Variants in PARG observed in about 807,000 individuals in gnomAD.
PARG encodes the protein poly(ADP-ribose) glycohydrolase.
In PARG, 35 loss-of-function variants were observed where a neutral mutation model predicts 113.0. The observed-to-expected ratio is 0.31, with a 90% confidence interval of 0.24 to 0.41. PARG has a LOEUF of 0.41. Ranked by LOEUF, PARG falls within the 10% of genes least tolerant of loss-of-function variation. PARG has a pLI of 1.00. For missense variants in PARG, 797 were observed against 1,169.4 expected, an observed-to-expected ratio of 0.68 and a Z score of 4.64; for synonymous variants, 330 against 409.9, an observed-to-expected ratio of 0.81 and a Z score of 2.36.
At chr10:49,836,067 G>A (rs1331488823) in intron 15 of PARG, among the ~76,000 whole-genome samples, 1 of 152,076 alleles carries the variant, frequency 6.6e-6, no homozygotes, top group Non-Finnish European at 1.5e-5. Context: ...AAAGTGACAT[G>A]TGCACAGTGA....
At chr10:49,823,276 A>T (rs1844195483) in intron 16 of PARG, among the ~76,000 whole-genome samples, 1 of 152,168 alleles carries the variant, frequency 6.6e-6, no homozygotes, top group Non-Finnish European at 1.5e-5. Context: ...ATTTTTATAA[A>T]TTTGAAATTA....
chr10:49,927,724 C>T (rs1389992007), intron 4 of PARG, among the ~76,000 whole-genome samples: 1 of 151,886 alleles, frequency 6.6e-6, no homozygotes, highest in African/African-American at 2.4e-5. Context: ...AATCTCAACA[C>T]TTTGGGAGGT....
Position 49,857,220 on chromosome 10 carries a change from AG to A in PARG, c.2353+85del, listed in dbSNP as rs1377423969. 6.6e-6 allele frequency: 4 copies of A among 603,782 alleles called. No individual in the cohort carries two copies. In the African/African-American group the frequency reaches 7.6e-5, roughly 11 times the overall value. 37.4% of individuals were successfully genotyped at this position (603,782 alleles called of 1,614,324 possible). A position where few individuals can be genotyped will look rare whatever the true frequency, so the allele number is the denominator to read the frequency against. ...GGGACTGATGCCCATGGAAGATAAA[AG>A]CTATACTGGGTAGTCTCTAGTCTTC... On this transcript the variant is annotated intron_variant, in intron 13 of 17. Coordinates refer to ENST00000616448, the MANE Select transcript of PARG (RefSeq NM_003631.5).
At chr10:49,847,469 G>A (rs1554833530) in intron 13 of PARG, among the ~76,000 whole-genome samples, 1 of 152,016 alleles carries the variant, frequency 6.6e-6, no homozygotes, top group South Asian at 2.1e-4. Flanking sequence ...GATTCCTACC[G>A]AAATGAATAA....
chr10:49,886,462 TAC>T (rs1225009664), intron 7 of PARG, among the ~76,000 whole-genome samples: 5 of 152,352 alleles, frequency 3.3e-5, no homozygotes, highest in Admixed American at 2.6e-4. Flanking sequence ...AACCTATGTT[TAC>T]TTCTCTTTTA....
chr10:49,896,618 A>G (rs1393247530), intron 7 of PARG, among the ~76,000 whole-genome samples: 1 of 152,100 alleles, frequency 6.6e-6, no homozygotes, highest in Non-Finnish European at 1.5e-5. Context: ...TGGTTACTAA[A>G]TTTTGTCAGG....
Position 49,842,016 on chromosome 10 carries a change from A to T in PARG, c.2475T>A (p.Asp825Glu), listed in dbSNP as rs546758260. ...QRRCTEIVAI[D>E]ALHFRRYLDQ... ...CGAGGTAGCGTCTGAAGTGAAGAGC[A>T]TCGATGGCAACGATCTCAGTGCAGC... Residue 825 changes from aspartate to glutamate, a missense_variant, in exon 15 of 18, where the codon GAT becomes GAA. Physicochemically the swap from Asp to Glu is conservative, Grantham distance 45. Around this residue, in one of 5 missense-constraint regions of PARG, gnomAD observed 194 missense variants for 247.1 expected, o/e 0.79. Coordinates refer to ENST00000616448, the MANE Select transcript of PARG (RefSeq NM_003631.5). 1 of 1,550,528 alleles carries T rather than the reference A, an allele frequency of 6.4e-7. No individual in the cohort carries two copies. The highest frequency in any genetic ancestry group is 8.7e-7 in the Non-Finnish European group (1 of 1,146,926).
At chr10:49,848,146 C>G (rs1245982709) in intron 13 of PARG, among the ~76,000 whole-genome samples, 1 of 149,254 alleles carries the variant, frequency 6.7e-6, no homozygotes, top group African/African-American at 2.5e-5. Context: ...GTCAAGAGAT[C>G]GAGACCATCG....
intron 15 of PARG, among the ~76,000 whole-genome samples, chr10:49,835,420 A>G (rs576613952): frequency 3.3e-5 from 5 of 152,122 alleles, no homozygotes; most frequent in Non-Finnish European, 7.3e-5. Flanking sequence ...AAGCACTGAG[A>G]CCTCAGGATA....
chr10:49,837,150 C>T (rs1305311624), intron 15 of PARG, among the ~76,000 whole-genome samples: 7 of 152,024 alleles, frequency 4.6e-5, no homozygotes, highest in African/African-American at 9.7e-5. Context: ...TTGCAGGTCA[C>T]GATGTGGGTC....
At chr10:49,833,002 T>G in intron 15 of PARG, 94 bp from the exon 16 acceptor site, 1 of 560,796 alleles carries the variant, frequency 1.8e-6, no homozygotes, top group Middle Eastern at 2.8e-4. Context: ...TTATCAAGCT[T>G]ATGTTCAATT....
At chr10:49,919,043 C>A (rs1837654788) in intron 6 of PARG, among the ~76,000 whole-genome samples, 1 of 152,068 alleles carries the variant, frequency 6.6e-6, no homozygotes, top group African/African-American at 2.4e-5. Context: ...TGGGTTCAAG[C>A]AATTCTCCTG....
intron 7 of PARG, among the ~76,000 whole-genome samples, chr10:49,904,951 C>G (rs1282413489): frequency 7.6e-6 from 1 of 131,844 alleles, no homozygotes; most frequent in Non-Finnish European, 1.6e-5. Context: ...TAAATAAAGT[C>G]AATTGCAGAA....
chr10:49,880,281 G>A (rs1401873837), intron 8 of PARG, among the ~76,000 whole-genome samples: 12 of 152,126 alleles, frequency 7.9e-5, no homozygotes, highest in African/African-American at 2.4e-4. Flanking sequence ...CAACAAATAA[G>A]TCTTGACCCT....
At chr10:49,889,049 TC>T (rs1847635642) in intron 7 of PARG, among the ~76,000 whole-genome samples, 1 of 123,022 alleles carries the variant, frequency 8.1e-6, no homozygotes. Context: ...CCATTTGGTT[TC>T]TCTGGATAGT....
chr10:49,877,089 T>C (rs1846979259), intron 9 of PARG, among the ~76,000 whole-genome samples: 1 of 150,402 alleles, frequency 6.6e-6, no homozygotes, highest in African/African-American at 2.4e-5. Flanking sequence ...AATATTTTAA[T>C]GTTTGAAGGT....
intron 13 of PARG, among the ~76,000 whole-genome samples, chr10:49,853,978 ACACTGTGATGAG>A (rs1405144900): frequency 6.6e-6 from 1 of 151,204 alleles, no homozygotes; most frequent in Non-Finnish European, 1.5e-5. Flanking sequence ...AGCAATGTGA[ACACTGTGATGAG>A]CACTGTGAGA....
Position 49,820,722 on chromosome 10 carries a change from C to CAA in PARG, c.2648-431_2648-430dup, listed in dbSNP as rs35420602. ...TGGGTGACAGGGCAAGACTCCATCT[C>CAA]AAAAAAAAAAAAAAAGAAATGGGGA... On this transcript the variant is annotated intron_variant, in intron 16 of 17. Coordinates refer to ENST00000616448, the MANE Select transcript of PARG (RefSeq NM_003631.5). Among the ~76,000 whole-genome samples, 203 of 124,350 alleles carry CAA rather than the reference C, an allele frequency of 1.6e-3. 2 individuals carry two copies. The highest frequency in any genetic ancestry group is 5.4e-3 in the East Asian group (23 of 4,298). 81.6% of individuals were successfully genotyped at this position (124,350 alleles called of 152,430 possible).
intron 16 of PARG, among the ~76,000 whole-genome samples, chr10:49,826,580 T>C (rs868953674): frequency 6.6e-6 from 1 of 152,348 alleles, no homozygotes; most frequent in East Asian, 1.9e-4. Context: ...TTGATATAAA[T>C]GGACATAAGG....
Sources: allele counts gnomAD v4.1 joint callset (sites outside exome capture counted in the v4.1 genomes callset), GRCh38; gene constraint gnomAD v4.1.1; regional missense constraint gnomAD v4.1.1; transcripts MANE v1.5; gene names NCBI Gene and HGNC (gene_info 2026-07-23, HGNC 2026-07-21).